SLC44A1: variants seen among roughly 807,000 people sequenced by gnomAD.
SLC44A1 encodes solute carrier family 44 member 1.
SLC44A1 carries 26 observed loss-of-function variants against 79.3 expected under a neutral mutation model. The ratio of observed to expected loss-of-function variants is 0.33; its 90% CI spans 0.24 to 0.46. The LOEUF is 0.46. Among genes scored for constraint, SLC44A1 ranks in the 20% least tolerant of loss-of-function variants. The pLI, the probability that SLC44A1 is intolerant of heterozygous loss-of-function variation, is 1.00. For missense variants in SLC44A1, 688 were observed against 798.1 expected, an observed-to-expected ratio of 0.86 and a Z score of 1.66; for synonymous variants, 263 against 286.2, an observed-to-expected ratio of 0.92 and a Z score of 0.82.
At chr9:105,378,682 C>A (rs1347252399) in intron 13 of SLC44A1, among the ~76,000 whole-genome samples, 6 of 151,972 alleles carry the variant, frequency 3.9e-5, no homozygotes, top group Non-Finnish European at 7.4e-5. Flanking sequence ...GAAGAGAAAT[C>A]TTCTGGGTTT....
At chr9:105,343,583 A>G (rs929969502) in intron 4 of SLC44A1, among the ~76,000 whole-genome samples, 12 of 152,226 alleles carry the variant, frequency 7.9e-5, no homozygotes, top group Non-Finnish European at 1.6e-4. Context: ...TCATTTATAA[A>G]TGAATGAAAT....
intron 2 of SLC44A1, among the ~76,000 whole-genome samples, chr9:105,300,927 C>T (rs1830861837): frequency 6.6e-6 from 1 of 151,932 alleles, no homozygotes; most frequent in South Asian, 2.1e-4. Flanking sequence ...AGGCATGTAC[C>T]ACCACGCCCA....
intron 15 of SLC44A1, among the ~76,000 whole-genome samples, chr9:105,427,479 T>C (rs1411647079): frequency 6.6e-6 from 1 of 151,944 alleles, no homozygotes; most frequent in Non-Finnish European, 1.5e-5. Context: ...CTCACTACGT[T>C]GCTCAGGCTG....
chr9:105,323,594 T>A (rs1826469218), intron 3 of SLC44A1, among the ~76,000 whole-genome samples: 1 of 152,232 alleles, frequency 6.6e-6, no homozygotes, highest in African/African-American at 2.4e-5. Flanking sequence ...ATCATCTTCA[T>A]TATCATCATC....
intron 1 of SLC44A1, among the ~76,000 whole-genome samples, chr9:105,281,527 C>G (rs374134926): frequency 6.6e-6 from 1 of 152,012 alleles, no homozygotes; most frequent in Non-Finnish European, 1.5e-5. Context: ...AAGGTGATAT[C>G]TTGTTGTAAA....
chr9:105,349,081 A>G (rs1392368290), intron 5 of SLC44A1, among the ~76,000 whole-genome samples: 1 of 152,230 alleles, frequency 6.6e-6, no homozygotes, highest in African/African-American at 2.4e-5. Flanking sequence ...ATTTAAAATT[A>G]TAAATAGATT....
intron 7 of SLC44A1, 35 bp from the exon 8 acceptor site, chr9:105,361,156 A>G (rs1157833101): frequency 6.2e-7 from 1 of 1,604,412 alleles, no homozygotes; most frequent in Non-Finnish European, 8.5e-7. Context: ...TCTTATCCTA[A>G]TTATTGCATT....
intron 15 of SLC44A1, among the ~76,000 whole-genome samples, chr9:105,407,715 C>T (rs915383462): frequency 6.6e-6 from 1 of 151,490 alleles, no homozygotes; most frequent in Non-Finnish European, 1.5e-5. Context: ...ACTAAAAATA[C>T]AAAAATTAGC....
At chr9:105,279,389 C>G (rs920885430) in intron 1 of SLC44A1, among the ~76,000 whole-genome samples, 6 of 148,752 alleles carry the variant, frequency 4.0e-5, no homozygotes, top group Non-Finnish European at 5.9e-5. Context: ...ACAATTTCGG[C>G]TCACTGCAAC....
chr9:105,369,433 A>G (rs1828035964), intron 12 of SLC44A1, among the ~76,000 whole-genome samples: 1 of 152,106 alleles, frequency 6.6e-6, no homozygotes, highest in South Asian at 2.1e-4. Context: ...AAGGGCACTA[A>G]TCCATTCATG....
intron 15 of SLC44A1, among the ~76,000 whole-genome samples, chr9:105,418,574 T>G (rs1426133379): frequency 6.6e-6 from 1 of 152,142 alleles, no homozygotes; most frequent in Non-Finnish European, 1.5e-5. Flanking sequence ...AGTCTGACAG[T>G]CATTAACTAG....
rs1554797208 is a variant in SLC44A1, at chr9:105,351,632, G to GAGAAACAAAGAA, written c.500+3186_500+3187insCAAAGAAAGAAA. Among the ~76,000 whole-genome samples, 3 of 101,358 alleles carry GAGAAACAAAGAA rather than the reference G, an allele frequency of 3.0e-5. 1 individual carries two copies. The highest frequency in any genetic ancestry group is 6.1e-5 in the Non-Finnish European group (3 of 49,486). The allele number at this position is 101,358 out of a possible 152,430, so 66.5% of individuals were successfully genotyped here. On this transcript the variant is annotated intron_variant, in intron 5 of 15. Transcript: ENST00000374720. ...AAAGAAAGAAAGAAAGAGAGAGAAA[G>GAGAAACAAAGAA]AGAAAGAAAGAAAGAAAGAAAGAAA...
chr9:105,292,536 A>G (rs1183881567), intron 1 of SLC44A1, among the ~76,000 whole-genome samples: 1 of 152,192 alleles, frequency 6.6e-6, no homozygotes, highest in Middle Eastern at 3.2e-3. Context: ...TTAGCAGTCA[A>G]TATTTCCCCA....
At chr9:105,338,763 A>G (rs746006181) in intron 4 of SLC44A1, among the ~76,000 whole-genome samples, 14 of 152,214 alleles carry the variant, frequency 9.2e-5, no homozygotes, top group Non-Finnish European at 1.3e-4. Context: ...CAAGAGTAGC[A>G]AATAATTTTT....
chr9:105,285,468 C>G (rs145128408), intron 1 of SLC44A1, among the ~76,000 whole-genome samples: 38 of 152,244 alleles, frequency 2.5e-4, no homozygotes, highest in African/African-American at 8.7e-4. Flanking sequence ...AAATAATTTA[C>G]CCACTGTCTC....
intron 15 of SLC44A1, among the ~76,000 whole-genome samples, chr9:105,424,768 G>A (rs1372352805): frequency 6.6e-6 from 1 of 152,056 alleles, no homozygotes; most frequent in African/African-American, 2.4e-5. Flanking sequence ...CCAACAAGGT[G>A]AAACCCCATC....
At chr9:105,433,150 G>A (rs1397213497) in intron 15 of SLC44A1, among the ~76,000 whole-genome samples, 2 of 152,032 alleles carry the variant, frequency 1.3e-5, no homozygotes, top group African/African-American at 2.4e-5. Context: ...ACAAAAATTA[G>A]CCGGGTATGG....
chr9:105,274,772 G>T (rs1830161433), intron 1 of SLC44A1, among the ~76,000 whole-genome samples: 1 of 152,078 alleles, frequency 6.6e-6, no homozygotes, highest in South Asian at 2.1e-4. Context: ...ATATACCGTG[G>T]TTAACCTCAC....
intron 1 of SLC44A1, among the ~76,000 whole-genome samples, chr9:105,246,378 T>C (rs1455956882): frequency 3.3e-5 from 5 of 152,024 alleles, no homozygotes; most frequent in African/African-American, 1.2e-4. Flanking sequence ...CCAGTCTTTT[T>C]TTTTTTTTTT....
Sources: gnomAD v4.1 joint callset for allele counts (sites outside exome capture counted in the v4.1 genomes callset) on GRCh38, gnomAD v4.1.1 for gene constraint, MANE v1.5 for transcripts, NCBI Gene and HGNC (gene_info 2026-07-23, HGNC 2026-07-21) for gene names.